The following TMCO4 variants were observed in gnomAD, a reference collection of about 807,000 sequenced individuals.
The protein encoded by TMCO4 is transmembrane and coiled-coil domains 4.
A neutral mutation model predicts 64.7 loss-of-function variants in TMCO4; 58 were observed. The ratio of observed to expected loss-of-function variants is 0.90; its 90% CI spans 0.73 to 1.12. TMCO4 has a LOEUF of 1.12. Ranked by LOEUF, TMCO4 falls within the 50% of genes most tolerant of loss-of-function variation. TMCO4 has a pLI of 0.00. For synonymous variants in TMCO4, 325 were observed against 346.1 expected, an observed-to-expected ratio of 0.94 and a Z score of 0.68; for missense variants, 780 against 825.9, an observed-to-expected ratio of 0.94 and a Z score of 0.68.
intron 7 of TMCO4, among the ~76,000 whole-genome samples, chr1:19,753,555 C>T (rs74460571): frequency 0.02 from 3,107 of 152,224 alleles, 59 homozygotes; most frequent in East Asian, 0.056. Flanking sequence ...TCACCTTGGT[C>T]GGCCCAGTGA....
Position 19,774,574 on chromosome 1 carries a change from G to C in TMCO4, c.180-3092C>G, listed in dbSNP as rs142332930. Among the ~76,000 whole-genome samples the C allele has an allele frequency of 4.1e-3, 632 of 152,294 alleles. 5 individuals are homozygous for C. Among genetic ancestry groups the C allele is most frequent in the Admixed American group, 7.6e-3 (117 of 15,298 alleles). ...GAATTAAAAAAAATATATATGCAAAGTGCCAGCACAGCAATTTACCAAATA... is the reference window on the plus strand; with the variant it reads ...GAATTAAAAAAAATATATATGCAAACTGCCAGCACAGCAATTTACCAAATA... On this transcript the variant is annotated intron_variant, in intron 4 of 15. Coordinates refer to ENST00000294543, the MANE Select transcript of TMCO4 (RefSeq NM_181719.7).
intron 15 of TMCO4, among the ~76,000 whole-genome samples, chr1:19,691,190 G>C (rs2095192119): frequency 1.3e-5 from 2 of 152,094 alleles, no homozygotes; most frequent in South Asian, 4.2e-4. Flanking sequence ...CTTTAACCAG[G>C]AGCAACCAGT....
intron 13 of TMCO4, among the ~76,000 whole-genome samples, chr1:19,710,956 C>T (rs755059536): frequency 5.3e-5 from 8 of 152,196 alleles, no homozygotes; most frequent in Non-Finnish European, 7.3e-5. Flanking sequence ...TGAAAAAGAA[C>T]AGGGGCCATG....
chr1:19,688,227 C>A (rs1219378451), intron 15 of TMCO4, among the ~76,000 whole-genome samples: 1 of 152,114 alleles, frequency 6.6e-6, no homozygotes, highest in Non-Finnish European at 1.5e-5. Context: ...CATGAGGTTG[C>A]GTTCCCTGAT....
intron 15 of TMCO4, among the ~76,000 whole-genome samples, chr1:19,692,264 C>G (rs942654269): frequency 2.0e-5 from 3 of 152,160 alleles, no homozygotes; most frequent in South Asian, 2.1e-4. Context: ...CCCGCCTCCC[C>G]CTATGGAGCA....
chr1:19,778,706 T>C (rs567856343), intron 4 of TMCO4, among the ~76,000 whole-genome samples: 19 of 152,320 alleles, frequency 1.2e-4, no homozygotes, highest in Middle Eastern at 3.4e-3. Context: ...GAGTTAAGAT[T>C]TGAACCCAGA....
chr1:19,726,248 A>C (rs993701097), intron 13 of TMCO4, among the ~76,000 whole-genome samples: 4 of 152,178 alleles, frequency 2.6e-5, no homozygotes, highest in African/African-American at 9.7e-5. Flanking sequence ...AGATGGGCAA[A>C]GCACTGAGAG....
chr1:19,760,758 T>A (rs75478355), intron 6 of TMCO4, among the ~76,000 whole-genome samples: 2,895 of 152,360 alleles, frequency 0.019, 100 homozygotes, highest in African/African-American at 0.065. Flanking sequence ...AATATAAAAT[T>A]TAAGCTCCAA....
rs796795367 is a variant in TMCO4, at chr1:19,743,873, G to A, written c.877+1659C>T. Reference sequence around the variant, plus strand: ...AACAGCCCCACCTTGGAGGGTGGAAGTGAAGTTTCTAGGAGGTAACCATAC... The same window carrying A: ...AACAGCCCCACCTTGGAGGGTGGAAATGAAGTTTCTAGGAGGTAACCATAC... On this transcript the variant is annotated intron_variant, in intron 10 of 15. Transcript: ENST00000294543. This position sits in a 1 kb window ranked among gnomAD's most constrained non-coding sequence, Gnocchi z 4.1. Among the ~76,000 whole-genome samples, 83 of 152,294 alleles carry A rather than the reference G, an allele frequency of 5.4e-4. 2 individuals carry two copies. The highest frequency in any genetic ancestry group is 2.0e-3 in the African/African-American group (83 of 41,562).
intron 6 of TMCO4, among the ~76,000 whole-genome samples, chr1:19,765,405 T>C (rs2042687992): frequency 6.6e-6 from 1 of 150,616 alleles, no homozygotes; most frequent in African/African-American, 2.5e-5. Context: ...CCACCTGAGA[T>C]GGCCGTATTT....
chr1:19,685,291 A>G (rs1023585372), intron 15 of TMCO4, among the ~76,000 whole-genome samples: 3 of 152,068 alleles, frequency 2.0e-5, no homozygotes, highest in African/African-American at 7.3e-5. Flanking sequence ...GTGCCGCTGC[A>G]CTCCAGTTTG....
chr1:19,756,761 G>T (rs189626804), intron 6 of TMCO4, among the ~76,000 whole-genome samples: 77 of 152,292 alleles, frequency 5.1e-4, no homozygotes, highest in Admixed American at 8.5e-4. Context: ...GGAAGCTGAT[G>T]GGGGAGGATC....
At chr1:19,698,466 G>A (rs1279072145) in intron 14 of TMCO4, among the ~76,000 whole-genome samples, 1 of 152,200 alleles carries the variant, frequency 6.6e-6, no homozygotes, top group Non-Finnish European at 1.5e-5. Flanking sequence ...CTTCCAGAAG[G>A]TTCGTGAATA....
At chr1:19,730,512 A>G (rs1342947234) in intron 13 of TMCO4, among the ~76,000 whole-genome samples, 3 of 152,262 alleles carry the variant, frequency 2.0e-5, no homozygotes, top group African/African-American at 7.2e-5. Flanking sequence ...TTCCAGGTAC[A>G]GGAAGCACAG....
intron 3 of TMCO4, among the ~76,000 whole-genome samples, chr1:19,781,312 A>C (rs371641524): frequency 4.4e-4 from 67 of 152,114 alleles, no homozygotes; most frequent in African/African-American, 1.5e-3. Context: ...AAATAAAATA[A>C]AATAATTAGC....
At chr1:19,698,170 C>T (rs776733119) in intron 14 of TMCO4, among the ~76,000 whole-genome samples, 2 of 152,182 alleles carry the variant, frequency 1.3e-5, no homozygotes, top group African/African-American at 4.8e-5. Context: ...AGACATGGCT[C>T]ACTCACAAGG....
chr1:19,793,481 A>AG (rs1427187433), intron 2 of TMCO4, among the ~76,000 whole-genome samples: 43 of 152,304 alleles, frequency 2.8e-4, no homozygotes, highest in African/African-American at 9.1e-4. Flanking sequence ...GGCAGAGTCT[A>AG]GGCAGGCCCA....
chr1:19,742,583 A>T (rs904250337), intron 10 of TMCO4, among the ~76,000 whole-genome samples: 6 of 152,192 alleles, frequency 3.9e-5, no homozygotes, highest in Admixed American at 2.6e-4. Context: ...GGATAAGGTG[A>T]TAGTCAGCCC....
At chr1:19,689,030 C>T (rs1326948490) in intron 15 of TMCO4, among the ~76,000 whole-genome samples, 1 of 152,134 alleles carries the variant, frequency 6.6e-6, no homozygotes, top group Admixed American at 6.5e-5. Context: ...CAGAGATGCG[C>T]CCTGCCTGCA....
Sources: gnomAD v4.1 joint callset for allele counts (sites outside exome capture counted in the v4.1 genomes callset) on GRCh38, gnomAD v4.1.1 for gene constraint, Gnocchi (gnomAD v3.1) non-coding constraint, MANE v1.5 for transcripts, NCBI Gene and HGNC (gene_info 2026-07-23, HGNC 2026-07-21) for gene names.